SEMA3D: variants seen among roughly 807,000 people sequenced by gnomAD.
The protein encoded by SEMA3D is semaphorin 3D, also known as semaphorin-3D.
Under a neutral mutation model 100.1 loss-of-function variants are expected in SEMA3D, and 84 were observed. The ratio of observed to expected loss-of-function variants is 0.84; its 90% CI spans 0.70 to 1.01. The LOEUF (loss-of-function observed/expected upper bound fraction) is 1.01. SEMA3D is among the 50% of genes least tolerant of loss of function. SEMA3D has a pLI of 0.00. For missense variants in SEMA3D, 875 were observed against 934.1 expected, an observed-to-expected ratio of 0.94 and a Z score of 0.82; for synonymous variants, 312 against 320.7, an observed-to-expected ratio of 0.97 and a Z score of 0.29.
chr7:85,117,223 A>G (rs577919197), intron 3 of SEMA3D, among the ~76,000 whole-genome samples: 1 of 152,176 alleles, frequency 6.6e-6, no homozygotes, highest in African/African-American at 2.4e-5. Flanking sequence ...CTGAGGATAC[A>G]TGAAGGAAGA....
At chr7:85,105,382 T>G (rs1182767054) in intron 3 of SEMA3D, among the ~76,000 whole-genome samples, 1 of 152,034 alleles carries the variant, frequency 6.6e-6, no homozygotes, top group Non-Finnish European at 1.5e-5. Context: ...TCATCTTAAC[T>G]TGGCATCAGC....
the SEMA3D span, among the ~76,000 whole-genome samples, chr7:85,198,833 CT>C: frequency 8.5e-4 from 112 of 131,686 alleles, no homozygotes; most frequent in African/African-American, 2.3e-3. Context: ...CTTTTTGCTC[CT>C]TTTTTTTTTT....
chr7:85,153,825 G>A (rs919906456), intron 1 of SEMA3D, 86 bp from the exon 2 acceptor site: 2 of 152,158 alleles, frequency 1.3e-5, no homozygotes, highest in African/African-American at 4.8e-5. Context: ...TTCAGTTCAA[G>A]TCCAAAGGCA....
chr7:85,196,878 C>T, the SEMA3D span, among the ~76,000 whole-genome samples: 1 of 152,102 alleles, frequency 6.6e-6, no homozygotes, highest in Non-Finnish European at 1.5e-5. Context: ...TTCTCATGTA[C>T]TGTGGGTGGA....
At chr7:85,240,259 C>T in the SEMA3D span, among the ~76,000 whole-genome samples, 11 of 151,838 alleles carry the variant, frequency 7.2e-5, no homozygotes, top group South Asian at 2.1e-4. Context: ...TATGATCATA[C>T]GATTTTTTTT....
intron 1 of SEMA3D, among the ~76,000 whole-genome samples, chr7:85,185,057 AGAG>A (rs1791503118): frequency 6.6e-6 from 1 of 152,110 alleles, no homozygotes; most frequent in Non-Finnish European, 1.5e-5. Flanking sequence ...ATCTGGCCTC[AGAG>A]AAGAAGGAAA....
intron 9 of SEMA3D, among the ~76,000 whole-genome samples, chr7:85,045,056 G>GA (rs1790970416): frequency 6.6e-6 from 1 of 151,938 alleles, no homozygotes; most frequent in South Asian, 2.1e-4. Flanking sequence ...ATTATAGTGG[G>GA]AAAAAGGCAA....
intron 1 of SEMA3D, among the ~76,000 whole-genome samples, chr7:85,185,153 C>T (rs1791505315): frequency 6.6e-6 from 1 of 152,132 alleles, no homozygotes; most frequent in Non-Finnish European, 1.5e-5. Context: ...GGCTCTCTCC[C>T]TTCTCTGCCC....
At chr7:85,108,417 C>G (rs1306267810) in intron 3 of SEMA3D, among the ~76,000 whole-genome samples, 1 of 151,980 alleles carries the variant, frequency 6.6e-6, no homozygotes, top group Non-Finnish European at 1.5e-5. Context: ...ACAAGGGGTT[C>G]CTTTTCTAAT....
At chr7:85,042,874 A>C (rs553084470) in intron 9 of SEMA3D, among the ~76,000 whole-genome samples, 96 of 152,222 alleles carry the variant, frequency 6.3e-4, no homozygotes, top group African/African-American at 2.3e-3. Flanking sequence ...ATGGGGAAAA[A>C]AAGTCTATAA....
chr7:85,115,280 G>A (rs1789206258), intron 3 of SEMA3D, among the ~76,000 whole-genome samples: 1 of 152,032 alleles, frequency 6.6e-6, no homozygotes, highest in Non-Finnish European at 1.5e-5. Context: ...TGTGATCCTG[G>A]CAAACTGCTC....
At chr7:85,196,736 A>C in the SEMA3D span, among the ~76,000 whole-genome samples, 1 of 152,300 alleles carries the variant, frequency 6.6e-6, no homozygotes, top group South Asian at 2.1e-4. Context: ...GATATTCAAA[A>C]GTCCAATAAC....
chr7:85,144,482 A>G (rs574664016), intron 2 of SEMA3D: 3 of 975,902 alleles, frequency 3.1e-6, no homozygotes, highest in Admixed American at 6.1e-5. Context: ...TATGTGAGAT[A>G]GAGGGGAAAG....
At chr7:85,094,415 C>A (rs77961505) in intron 4 of SEMA3D, among the ~76,000 whole-genome samples, 70 of 152,158 alleles carry the variant, frequency 4.6e-4, no homozygotes, top group African/African-American at 1.6e-3. Context: ...ATCACTCACA[C>A]TAGAAAAATA....
At chr7:85,142,998 T>A in intron 2 of SEMA3D, 1 of 976,634 alleles carries the variant, frequency 1.0e-6, no homozygotes, top group Non-Finnish European at 1.2e-6. Flanking sequence ...TTACTAAACT[T>A]TTTTATCTTT....
In SEMA3D at chr7:85,012,765, A is replaced by G. The variant is rs1197095896; in HGVS notation, c.1768+17T>C. On this transcript the variant is annotated intron_variant, in intron 17 of 18. Transcript: ENST00000284136. Reference sequence around the variant, plus strand: ...GCATTTTAAATGGGAGAAAAAGCATATCAGAGCTGTACTTACTGTCTTCGA... The same window carrying G: ...GCATTTTAAATGGGAGAAAAAGCATGTCAGAGCTGTACTTACTGTCTTCGA... 6.3e-7 allele frequency: 1 copy of G among 1,596,618 alleles called. No individual in the cohort carries two copies. The highest frequency in any genetic ancestry group is 8.6e-7 in the Non-Finnish European group (1 of 1,165,242).
intron 9 of SEMA3D, among the ~76,000 whole-genome samples, chr7:85,054,803 G>GCT (rs1562798931): frequency 5.7e-4 from 87 of 152,182 alleles, no homozygotes; most frequent in African/African-American, 2.0e-3. Flanking sequence ...CTTAATAACT[G>GCT]AGTTGATGCT....
chr7:85,078,032 T>C (rs917089472), intron 5 of SEMA3D, among the ~76,000 whole-genome samples: 2 of 152,110 alleles, frequency 1.3e-5, no homozygotes, highest in Admixed American at 1.3e-4. Context: ...GGGAAAATGC[T>C]CATGGCAGTC....
chr7:85,017,280 GTC>G (rs1420719581), intron 15 of SEMA3D, among the ~76,000 whole-genome samples: 4 of 151,464 alleles, frequency 2.6e-5, no homozygotes, highest in African/African-American at 9.7e-5. Flanking sequence ...CCACTTTCTT[GTC>G]TCTGTCTTTC....
Sources: gnomAD v4.1 joint callset for allele counts (sites outside exome capture counted in the v4.1 genomes callset) on GRCh38, gnomAD v4.1.1 for gene constraint, MANE v1.5 for transcripts, NCBI Gene and HGNC (gene_info 2026-07-23, HGNC 2026-07-21) for gene names.